The following POU3F3 variants were observed in gnomAD, a reference collection of about 807,000 sequenced individuals.
POU3F3 encodes POU class 3 homeobox 3.
A neutral mutation model predicts 8.6 loss-of-function variants in POU3F3; 1 was observed. The observed-to-expected ratio is 0.12, with a 90% CI of 0.04 to 0.55. The LOEUF is 0.55. Ranked by LOEUF, POU3F3 falls within the 20% of genes least tolerant of loss-of-function variation. POU3F3 has a pLI of 0.91. For synonymous variants in POU3F3, 418 were observed against 327.4 expected (o/e 1.28, Z -2.99); for missense variants, 577 against 690.7 (o/e 0.84, Z 1.84).
chr2:104,905,606 G>A, the POU3F3 span, among the ~76,000 whole-genome samples: 27 of 152,278 alleles, frequency 1.8e-4, no homozygotes, highest in African/African-American at 5.8e-4. Context: ...TCAAGGTGTC[G>A]GCAGGGTCAT....
rs890511946 is a variant in POU3F3 at position 104,854,323 on chromosome 2, A to T, written c.-1188A>T. 6.6e-6 allele frequency among the ~76,000 whole-genome samples: 1 copy of T among 152,170 alleles called. No homozygotes were observed. Among genetic ancestry groups the T allele is most frequent in the East Asian group, 1.9e-4 (1 of 5,176 alleles). ...CCAGCGCCCGCCGTCGGTGCACTCT[A>T]CGAGCCGTGCAGCGTGCCCACTGGA... On this transcript the variant is annotated 5_prime_UTR_variant, in exon 1 of 1. Transcript: ENST00000361360. This position sits in a 1 kb window ranked among gnomAD's most constrained non-coding sequence, Gnocchi z 4.5.
At chr2:104,902,064 G>A in the POU3F3 span, among the ~76,000 whole-genome samples, 448 of 152,136 alleles carry the variant, frequency 2.9e-3, 3 homozygotes, top group African/African-American at 0.01. Flanking sequence ...AATGATGGGC[G>A]AGGCTCCCTC....
At chr2:104,873,544 C>T in the POU3F3 span, among the ~76,000 whole-genome samples, 2 of 152,200 alleles carry the variant, frequency 1.3e-5, no homozygotes, top group South Asian at 2.1e-4. Flanking sequence ...CACTCACACA[C>T]ACTCATACTC....
At chr2:104,895,193 A>G in the POU3F3 span, among the ~76,000 whole-genome samples, 1 of 151,920 alleles carries the variant, frequency 6.6e-6, no homozygotes, top group Non-Finnish European at 1.5e-5. Flanking sequence ...TGCTATGTTT[A>G]TTTCTCTACA....
chr2:104,879,451 C>T, the POU3F3 span, among the ~76,000 whole-genome samples: 2 of 151,904 alleles, frequency 1.3e-5, no homozygotes, highest in East Asian at 1.9e-4. Context: ...TTTCTTTGTA[C>T]TTATTTTCCT....
chr2:104,887,477 G>C, the POU3F3 span, among the ~76,000 whole-genome samples: 28 of 152,160 alleles, frequency 1.8e-4, no homozygotes, highest in Admixed American at 1.8e-3. Flanking sequence ...AAGAACCATG[G>C]AATAGTGCAG....
chr2:104,901,394 T>C, the POU3F3 span, among the ~76,000 whole-genome samples: 53 of 152,180 alleles, frequency 3.5e-4, no homozygotes, highest in Non-Finnish European at 6.2e-4. Context: ...ATGAATCAAT[T>C]TGAGGGCACT....
At chr2:104,890,780 C>G in the POU3F3 span, among the ~76,000 whole-genome samples, 1 of 152,316 alleles carries the variant, frequency 6.6e-6, no homozygotes, top group Admixed American at 6.5e-5. Flanking sequence ...ATTCCTACCC[C>G]ACCTGTCCCA....
At chr2:104,907,815 A>G in the POU3F3 span, among the ~76,000 whole-genome samples, 3 of 152,158 alleles carry the variant, frequency 2.0e-5, no homozygotes, top group Non-Finnish European at 4.4e-5. Flanking sequence ...TTTAAATAAC[A>G]TTGGTGATAA....
chr2:104,875,876 C>T, the POU3F3 span, among the ~76,000 whole-genome samples: 1 of 152,046 alleles, frequency 6.6e-6, no homozygotes, highest in South Asian at 2.1e-4. Context: ...ACCACCATGC[C>T]CAGCTAATTT....
At chr2:104,854,076 AGT>A (rs908631486), upstream of POU3F3, among the ~76,000 whole-genome samples, 1 of 152,100 alleles carries the variant, frequency 6.6e-6, no homozygotes, top group Non-Finnish European at 1.5e-5. The surrounding 1 kb of genome is among the most constrained non-coding windows in gnomAD (Gnocchi z 4.5). Context: ...TATTTGGGAA[AGT>A]GTGGTGGTGG....
At chr2:104,884,460 G>A in the POU3F3 span, among the ~76,000 whole-genome samples, 1 of 152,050 alleles carries the variant, frequency 6.6e-6, no homozygotes, top group African/African-American at 2.4e-5. Context: ...ACTAATGGCT[G>A]TATATCAATT....
chr2:104,887,567 T>C, the POU3F3 span, among the ~76,000 whole-genome samples: 12 of 152,334 alleles, frequency 7.9e-5, no homozygotes, highest in East Asian at 2.3e-3. Flanking sequence ...AGATGTGGAA[T>C]TGCTGATTGT....
At chr2:104,884,116 T>C in the POU3F3 span, among the ~76,000 whole-genome samples, 2 of 152,174 alleles carry the variant, frequency 1.3e-5, no homozygotes, top group African/African-American at 2.4e-5. Context: ...TGGCATGATC[T>C]GTAGAGTGGA....
At chr2:104,904,990 C>A in the POU3F3 span, among the ~76,000 whole-genome samples, 1 of 152,156 alleles carries the variant, frequency 6.6e-6, no homozygotes, top group East Asian at 1.9e-4. Context: ...AGATCCTAGC[C>A]AGCCCTAAGA....
rs536599645 is a variant in POU3F3 at position 104,855,738 on chromosome 2, C to G, written c.228C>G (p.Asp76Glu). ...DPSSVKMVQS[D>E]FMQGAMAASN... ...CCTCTGTCAAGATGGTCCAGAGCGA[C>G]TTCATGCAGGGGGCCATGGCCGCCA... is the stretch of plus-strand genomic sequence containing the variant. The change falls in exon 1 of 1, where the codon GAC becomes GAG. Residue 76 changes from aspartate (D) to glutamate (E), a missense_variant. Transcript: ENST00000361360. 1.5e-6 allele frequency: 2 copies of G among 1,307,462 alleles called. No individual in the cohort carries two copies. Among genetic ancestry groups the G allele is most frequent in the Admixed American group, 4.6e-5 (2 of 43,386 alleles). The allele number at this position is 1,307,462 out of a possible 1,614,324, so 81.0% of individuals were successfully genotyped here. A position where few individuals can be genotyped will look rare whatever the true frequency, so the allele number is the denominator to read the frequency against.
chr2:104,876,464 A>G, the POU3F3 span, among the ~76,000 whole-genome samples: 1 of 152,080 alleles, frequency 6.6e-6, no homozygotes, highest in Non-Finnish European at 1.5e-5. Flanking sequence ...GTGCCCCTCT[A>G]TCTCCTCACA....
At chr2:104,885,328 G>A in the POU3F3 span, among the ~76,000 whole-genome samples, 4 of 152,208 alleles carry the variant, frequency 2.6e-5, no homozygotes, top group Admixed American at 6.5e-5. Context: ...ATCTTGAATA[G>A]AGGCTGGGTA....
At chr2:104,902,201 T>G in the POU3F3 span, among the ~76,000 whole-genome samples, 9 of 152,228 alleles carry the variant, frequency 5.9e-5, no homozygotes, top group East Asian at 1.7e-3. Context: ...CCCAAAAGTG[T>G]GAAGCAAATG....
Sources: allele counts gnomAD v4.1 joint callset (sites outside exome capture counted in the v4.1 genomes callset), GRCh38; gene constraint gnomAD v4.1.1; non-coding constraint Gnocchi (gnomAD v3.1); transcripts MANE v1.5; gene names NCBI Gene and HGNC (gene_info 2026-07-23, HGNC 2026-07-21).